ZFPM2: variants seen among roughly 807,000 people sequenced by gnomAD.
The protein encoded by ZFPM2 is zinc finger protein ZFPM2.
In ZFPM2, 20 loss-of-function variants were observed where a neutral mutation model predicts 98.6. The observed-to-expected ratio is 0.20, with a 90% CI of 0.14 to 0.29. The LOEUF (loss-of-function observed/expected upper bound fraction) is 0.29, where lower values mean the gene tolerates loss of function less well. Among genes scored for constraint, ZFPM2 ranks in the 10% least tolerant of loss-of-function variants. The pLI is 1.00. For synonymous variants in ZFPM2, 518 were observed against 502.7 expected, an observed-to-expected ratio of 1.03 and a Z score of -0.41; for missense variants, 1,310 against 1,388.6, an observed-to-expected ratio of 0.94 and a Z score of 0.90.
intron 5 of ZFPM2, among the ~76,000 whole-genome samples, chr8:105,716,045 G>A (rs930108333): frequency 4.0e-5 from 6 of 151,860 alleles, no homozygotes; most frequent in African/African-American, 1.2e-4. Context: ...AGAGAAAAGA[G>A]ATGCTGGCAG....
intron 5 of ZFPM2, among the ~76,000 whole-genome samples, chr8:105,665,806 C>G (rs1295313419): frequency 6.6e-6 from 1 of 152,028 alleles, no homozygotes; most frequent in African/African-American, 2.4e-5. Context: ...AAAATGTCTA[C>G]CTTATAAGAT....
intron 5 of ZFPM2, among the ~76,000 whole-genome samples, chr8:105,754,839 C>G (rs988147277): frequency 5.3e-5 from 8 of 151,950 alleles, no homozygotes; most frequent in Non-Finnish European, 8.8e-5. Flanking sequence ...AAGATTTAAG[C>G]AGCTATTGTT....
chr8:105,404,615 C>A (rs1811405476), intron 1 of ZFPM2, among the ~76,000 whole-genome samples: 1 of 152,058 alleles, frequency 6.6e-6, no homozygotes. Flanking sequence ...TTAACTCTAA[C>A]CTCCTCAGTG....
intron 5 of ZFPM2, among the ~76,000 whole-genome samples, chr8:105,751,784 G>C (rs150443647): frequency 6.6e-6 from 1 of 150,474 alleles, no homozygotes; most frequent in African/African-American, 2.5e-5. Context: ...TTTGACCTTA[G>C]GTAGATTGTT....
chr8:105,741,607 G>A (rs1248975611), intron 5 of ZFPM2, among the ~76,000 whole-genome samples: 1 of 152,060 alleles, frequency 6.6e-6, no homozygotes, highest in East Asian at 1.9e-4. Context: ...TGTGGGAGTG[G>A]AAACTAAGTT....
At chr8:105,782,512 GGCAGTGTAAACAAA>G (rs1339457300) in intron 5 of ZFPM2, 2 of 152,226 alleles carry the variant, frequency 1.3e-5, no homozygotes, top group East Asian at 3.9e-4. Context: ...ACCCTTGAAT[GGCAGTGTAAACAAA>G]GTAGTAACAG....
At chr8:105,782,552 A>G (rs1813281137) in intron 5 of ZFPM2, 1 of 152,224 alleles carries the variant, frequency 6.6e-6, no homozygotes, top group Admixed American at 6.5e-5. Flanking sequence ...TCAATGAAGC[A>G]TATAGTTGTC....
intron 5 of ZFPM2, among the ~76,000 whole-genome samples, chr8:105,759,584 GT>G (rs1424009892): frequency 1.1e-4 from 17 of 148,686 alleles, no homozygotes; most frequent in African/African-American, 4.2e-4. Flanking sequence ...TAATCCTTGT[GT>G]GTGTGTGTGT....
chr8:105,416,730 T>C (rs1811686590), intron 1 of ZFPM2, among the ~76,000 whole-genome samples: 1 of 151,962 alleles, frequency 6.6e-6, no homozygotes, highest in Non-Finnish European at 1.5e-5. Flanking sequence ...AAAATAATAG[T>C]AATTATTTTA....
intron 5 of ZFPM2, among the ~76,000 whole-genome samples, chr8:105,690,453 GAGA>G (rs1023875501): frequency 5.9e-5 from 9 of 152,078 alleles, no homozygotes; most frequent in African/African-American, 2.2e-4. Flanking sequence ...CCAGTGTATC[GAGA>G]AGGACACCGG....
intron 4 of ZFPM2, among the ~76,000 whole-genome samples, chr8:105,577,786 A>G (rs1216660927): frequency 2.0e-5 from 3 of 151,890 alleles, no homozygotes. Context: ...AAAAAAAAAA[A>G]AAAGTGAGAA....
intron 5 of ZFPM2, among the ~76,000 whole-genome samples, chr8:105,746,122 G>A (rs1035979240): frequency 4.6e-5 from 7 of 151,716 alleles, no homozygotes; most frequent in Admixed American, 4.6e-4. Flanking sequence ...AATGTGTACT[G>A]AAAACATCCT....
In ZFPM2 at chr8:105,572,259, G is replaced by A. The variant is rs145978707; in HGVS notation, c.420+10778G>A. Reference sequence around the variant, plus strand: ...TCACCGTGTTAGCCAGGATGGTCTCGATCTCCTGACCTTGTGATCGCCTGC... The same window carrying A: ...TCACCGTGTTAGCCAGGATGGTCTCAATCTCCTGACCTTGTGATCGCCTGC... On this transcript the variant is annotated intron_variant, in intron 4 of 7. Coordinates refer to ENST00000407775, the MANE Select transcript of ZFPM2 (RefSeq NM_012082.4). Among the ~76,000 whole-genome samples, 93 of 151,986 alleles carry A rather than the reference G, an allele frequency of 6.1e-4. 1 individual carries two copies. The East Asian group carries it at 0.017, about 28-fold the overall frequency.
intron 1 of ZFPM2, among the ~76,000 whole-genome samples, chr8:105,417,937 A>G (rs1050576004): frequency 9.9e-5 from 15 of 152,150 alleles, no homozygotes; most frequent in African/African-American, 3.4e-4. Flanking sequence ...TTTTAGTTGG[A>G]TGTCCCTTCA....
intron 5 of ZFPM2, among the ~76,000 whole-genome samples, chr8:105,787,914 A>G (rs1563564496): frequency 6.6e-6 from 1 of 152,232 alleles, no homozygotes; most frequent in Non-Finnish European, 1.5e-5. Flanking sequence ...GTACTTGCAT[A>G]GTTAATTTTT....
chr8:105,497,886 A>G (rs1264177780), intron 3 of ZFPM2, among the ~76,000 whole-genome samples: 1 of 152,050 alleles, frequency 6.6e-6, no homozygotes, highest in Admixed American at 6.5e-5. Flanking sequence ...AATTCAATAA[A>G]TAAAATAATA....
chr8:105,348,441 C>A (rs951590332), intron 1 of ZFPM2, among the ~76,000 whole-genome samples: 1 of 152,106 alleles, frequency 6.6e-6, no homozygotes, highest in Non-Finnish European at 1.5e-5. Flanking sequence ...GATCCAAATG[C>A]CAATGTGTTT....
intron 1 of ZFPM2, among the ~76,000 whole-genome samples, chr8:105,402,159 C>T (rs1222953828): frequency 3.3e-5 from 5 of 151,930 alleles, no homozygotes; most frequent in Non-Finnish European, 4.4e-5. Flanking sequence ...ATCAGCCTTT[C>T]TATATTTTCC....
intron 1 of ZFPM2, among the ~76,000 whole-genome samples, chr8:105,378,202 C>G (rs570150958): frequency 6.6e-5 from 10 of 152,170 alleles, no homozygotes; most frequent in Non-Finnish European, 1.2e-4. Context: ...CTAAGTAAAA[C>G]AAGAGCTTTA....
Sources: gnomAD v4.1 joint callset for allele counts (sites outside exome capture counted in the v4.1 genomes callset) on GRCh38, gnomAD v4.1.1 for gene constraint, MANE v1.5 for transcripts, NCBI Gene and HGNC (gene_info 2026-07-23, HGNC 2026-07-21) for gene names.